ATAD2: variants seen among roughly 807,000 people sequenced by gnomAD.
ATAD2 encodes ATPase family AAA domain containing 2.
ATAD2 carries 62 observed loss-of-function variants against 168.9 expected under a neutral mutation model. The observed-to-expected ratio is 0.37, with a 90% CI of 0.30 to 0.45. The LOEUF (loss-of-function observed/expected upper bound fraction) is 0.45. ATAD2 is among the 20% of genes least tolerant of loss of function. The pLI is 1.00. For missense variants in ATAD2, 1,419 were observed against 1,667.8 expected (o/e 0.85, Z 2.60); for synonymous variants, 613 against 571.6 (o/e 1.07, Z -1.03).
At position 123,346,329 on chromosome 8, in the gene ATAD2, C is replaced by A; in HGVS notation, c.2346-57G>T. On this transcript the variant is annotated intron_variant, in intron 17 of 27. Transcript: ENST00000287394. ...TAGAAAAAACAGTTTAAATTTTCCC[C>A]CTAAATTGTCAACTATAAACTTTCA... is the stretch of plus-strand genomic sequence containing the variant. 3 of 1,436,220 alleles carry A rather than the reference C, an allele frequency of 2.1e-6. No individual in the cohort carries two copies. In the East Asian group the frequency reaches 7.2e-5, roughly 35 times the overall value. The allele number at this position is 1,436,220 out of a possible 1,614,324, so 89.0% of individuals were successfully genotyped here.
Position 123,371,829 on chromosome 8 carries a change from A to T in ATAD2, c.377T>A (p.Val126Glu), listed in dbSNP as rs1231798556. The change falls in exon 4 of 28, where the codon GTG becomes GAG. Residue 126 changes from valine to glutamate, a missense_variant. This residue lies in a region of ATAD2 where 419 missense variants were observed against 423.5 expected (regional missense o/e 0.99). Coordinates refer to ENST00000287394, the MANE Select transcript of ATAD2 (RefSeq NM_014109.4). ...KKKEEHREDKVIPVTRSLRAR... is the reference protein window; with the variant it reads ...KKKEEHREDKEIPVTRSLRAR... ...CCTCAATGACCGAGTAACTGGAATCACTTTGTCTTCACAAATGCATACATA... is the reference window on the plus strand; with the variant it reads ...CCTCAATGACCGAGTAACTGGAATCTCTTTGTCTTCACAAATGCATACATA... The T allele has an allele frequency of 3.1e-6, 5 of 1,595,864 alleles. No individual in the cohort carries two copies. The African/African-American group carries it at 6.7e-5, about 22-fold the overall frequency.
In ATAD2 at chr8:123,337,721, T is replaced by C; in HGVS notation, c.2955A>G (p.Thr985=). ...TTAAGAAAATCCTCAGTTCTCTAAA[T>C]GTATCTTCTTCTTGTTCTTCTAGTC... ...VKRLEEQEED[T]FRELRIFLRN... The change falls in exon 21 of 28, where the codon ACA becomes ACG. Residue 985 remains threonine (T), a synonymous_variant. Coordinates refer to ENST00000287394, the MANE Select transcript of ATAD2 (RefSeq NM_014109.4). 6.2e-7 allele frequency: 1 copy of C among 1,614,028 alleles called. No homozygotes were observed. Among genetic ancestry groups the C allele is most frequent in the Non-Finnish European group, 8.5e-7 (1 of 1,179,974 alleles).
chr8:123,375,591 CA>C lies in ATAD2; in HGVS notation c.321-2906del, dbSNP rs556015273. 7.2e-5 allele frequency among the ~76,000 whole-genome samples: 11 copies of C among 152,180 alleles called. No individual in the cohort carries two copies. In the South Asian group the frequency reaches 2.3e-3, roughly 32 times the overall value. ...CATTCATATCATTATTCATAATGGC[CA>C]AAAAGTAGACAATCCAAATGCTCAC... On this transcript the variant is annotated intron_variant, in intron 2 of 27. Coordinates refer to ENST00000287394, the MANE Select transcript of ATAD2 (RefSeq NM_014109.4).
intron 1 of ATAD2, among the ~76,000 whole-genome samples, chr8:123,415,201 G>T (rs1225649669): frequency 1.3e-5 from 2 of 152,126 alleles, no homozygotes; most frequent in Non-Finnish European, 2.9e-5. Context: ...GCTGATAATT[G>T]TTTTGTTTGA....
intron 1 of ATAD2, among the ~76,000 whole-genome samples, chr8:123,392,174 T>C (rs1008359984): frequency 3.9e-5 from 6 of 152,182 alleles, no homozygotes; most frequent in Non-Finnish European, 8.8e-5. Context: ...TGCTAGGTTC[T>C]GTTCTAAGTG....
At chr8:123,396,702 G>A (rs998631538), upstream of ATAD2, among the ~76,000 whole-genome samples, 2 of 152,222 alleles carry the variant, frequency 1.3e-5, no homozygotes, top group African/African-American at 4.8e-5. Context: ...GAAGGAGACG[G>A]TGGGAGCGGT....
Position 123,333,947 on chromosome 8 carries a change from T to C in ATAD2, c.3409A>G (p.Lys1137Glu), listed in dbSNP as rs370522743. ...PKQNSTLVGD[K>E]RSDPEQNEKL... ...TCATTCTGCTCTGGGTCTGATCTTTTATCACCAACAAGAGTGGAATTTTGC... is the reference window on the plus strand; with the variant it reads ...TCATTCTGCTCTGGGTCTGATCTTTCATCACCAACAAGAGTGGAATTTTGC... Residue 1137 changes from lysine (K) to glutamate (E), a missense_variant, in exon 24 of 28, where the codon AAA becomes GAA. Lys to Glu is a moderately conservative substitution (Grantham distance 56). Coordinates refer to ENST00000287394, the MANE Select transcript of ATAD2 (RefSeq NM_014109.4). The C allele has an allele frequency of 8.9e-5, 144 of 1,614,050 alleles. No individual in the cohort carries two copies. Among genetic ancestry groups the C allele is most frequent in the Non-Finnish European group, 1.1e-4 (134 of 1,180,024 alleles).
chr8:123,408,926 C>T (rs772213339), intron 1 of ATAD2, among the ~76,000 whole-genome samples: 39 of 151,804 alleles, frequency 2.6e-4, no homozygotes, highest in Non-Finnish European at 4.3e-4. Flanking sequence ...CTCCCAAGTT[C>T]AAGCGATTCT....
chr8:123,345,506 CAAAAAAAAA>C (rs34282183), intron 18 of ATAD2, among the ~76,000 whole-genome samples: 1 of 50,122 alleles, frequency 2.0e-5, no homozygotes, highest in African/African-American at 4.7e-5. Context: ...TATTAAAATA[CAAAAAAAAA>C]AAAAAAAAAA....
chr8:123,396,261 G>A lies in ATAD2; in HGVS notation c.97C>T (p.His33Tyr), dbSNP rs1255042781. Residue 33 changes from histidine (H) to tyrosine (Y), a missense_variant, in exon 1 of 28, where the codon CAC becomes TAC. Around this residue, in one of 5 missense-constraint regions of ATAD2, gnomAD observed 419 missense variants for 423.5 expected, o/e 0.99. Transcript: ENST00000287394. ...DLSSDFLSLE[H>Y]IGRRRLRSAG... ...GAGCGGAGCCGCCTCCGGCCGATGT[G>A]CTCCAGACTGAGGAAGTCACTGGAC... 2 of 1,610,500 alleles carry A rather than the reference G, an allele frequency of 1.2e-6. No homozygotes were observed. The highest frequency in any genetic ancestry group is 1.7e-6 in the Non-Finnish European group (2 of 1,179,546).
chr8:123,334,674 A>G (rs1235020974), intron 22 of ATAD2, among the ~76,000 whole-genome samples: 1 of 152,256 alleles, frequency 6.6e-6, no homozygotes, highest in Non-Finnish European at 1.5e-5. Flanking sequence ...AAGAATGTGA[A>G]AGAATTTTGC....
intron 2 of ATAD2, among the ~76,000 whole-genome samples, chr8:123,379,621 G>C (rs1220481120): frequency 6.6e-6 from 1 of 150,424 alleles, no homozygotes; most frequent in Non-Finnish European, 1.5e-5. Flanking sequence ...AGAGTACAGT[G>C]GCACGATCTT....
rs1827424773 is a variant in ATAD2, at chr8:123,319,967, T to C, written c.*1167A>G. 1 of 152,086 alleles carries C rather than the reference T, an allele frequency of 6.6e-6. No homozygotes were observed. Among genetic ancestry groups the C allele is most frequent in the African/African-American group, 2.4e-5 (1 of 41,420 alleles). 9.4% of individuals were successfully genotyped at this position (152,086 alleles called of 1,614,324 possible). A position where few individuals can be genotyped will look rare whatever the true frequency, so the allele number is the denominator to read the frequency against. ...TATAATAAACCAACAAAAATGAGAA[T>C]GTGTATCTCCAGGAATATAAATATA... On this transcript the variant is annotated 3_prime_UTR_variant, in exon 28 of 28. Transcript: ENST00000287394.
intron 1 of ATAD2, chr8:123,416,221 CA>C (rs1813273742): frequency 6.6e-6 from 1 of 152,468 alleles, no homozygotes; most frequent in African/African-American, 2.4e-5. Flanking sequence ...TTTTCACACC[CA>C]AACCTCTGTT....
chr8:123,409,322 A>G (rs556135459), intron 1 of ATAD2, among the ~76,000 whole-genome samples: 5 of 151,790 alleles, frequency 3.3e-5, no homozygotes, highest in Non-Finnish European at 5.9e-5. Context: ...CCAACTTCCC[A>G]CCCCCAGTGA....
rs149371093 is a variant in ATAD2, at chr8:123,345,012, C to T, written c.2590G>A (p.Val864Met). 1,975 of 1,614,024 alleles carry T rather than the reference C, an allele frequency of 1.2e-3. 6 individuals are homozygous for T. The highest frequency in any genetic ancestry group is 2.3e-3 in the South Asian group (211 of 91,074). The change falls in exon 19 of 28, where the codon GTG becomes ATG. Residue 864 changes from valine to methionine, a missense_variant. Around this residue, in one of 5 missense-constraint regions of ATAD2, gnomAD observed 545 missense variants for 724.9 expected, o/e 0.75. Transcript: ENST00000287394. ...PSIVYVPHIH[V>M]WWEIVGPTLK... ...GTCGGTCCAACTATTTCCCACCACA[C>T]GTGGATATGAGGAACATACACTATA... is the stretch of plus-strand genomic sequence containing the variant.
intron 24 of ATAD2, among the ~76,000 whole-genome samples, chr8:123,332,406 A>C (rs1827798907): frequency 6.6e-6 from 1 of 152,234 alleles, no homozygotes; most frequent in Admixed American, 6.5e-5. Context: ...AATCACCCTT[A>C]TTCTAATTCT....
intron 11 of ATAD2, 94 bp from the exon 12 acceptor site, chr8:123,357,830 G>A: frequency 8.0e-7 from 1 of 1,243,632 alleles, no homozygotes; most frequent in South Asian, 1.6e-5. Flanking sequence ...CATTTAATTA[G>A]AAAATTAAAA....
Position 123,320,044 on chromosome 8 carries a change from T to C in ATAD2, c.*1090A>G, listed in dbSNP as rs1019419008. ...GCTTTATGCATTACATAAGATAGTA[T>C]GTACTAATTAAGGTATTGAATTCAC... On this transcript the variant is annotated 3_prime_UTR_variant, in exon 28 of 28. Coordinates refer to ENST00000287394, the MANE Select transcript of ATAD2 (RefSeq NM_014109.4). 1 of 152,182 alleles carries C rather than the reference T, an allele frequency of 6.6e-6. No homozygotes were observed. The highest frequency in any genetic ancestry group is 1.5e-5 in the Non-Finnish European group (1 of 68,032). 9.4% of individuals were successfully genotyped at this position (152,182 alleles called of 1,614,324 possible).
Sources: allele counts gnomAD v4.1 joint callset (sites outside exome capture counted in the v4.1 genomes callset), GRCh38; gene constraint gnomAD v4.1.1; regional missense constraint gnomAD v4.1.1; transcripts MANE v1.5; gene names NCBI Gene and HGNC (gene_info 2026-07-23, HGNC 2026-07-21).